CDH18: variants seen among roughly 807,000 people sequenced by gnomAD.
CDH18 encodes the protein cadherin-18.
Under a neutral mutation model 67.9 loss-of-function variants are expected in CDH18, and 31 were observed. That is an observed-to-expected ratio of 0.46 (90% CI 0.34 to 0.62). The LOEUF (loss-of-function observed/expected upper bound fraction) is 0.62. CDH18 is among the 20% of genes least tolerant of loss of function. The pLI is 0.01. For synonymous variants in CDH18, 362 were observed against 347.2 expected, an observed-to-expected ratio of 1.04 and a Z score of -0.48; for missense variants, 890 against 975.5, an observed-to-expected ratio of 0.91 and a Z score of 1.17.
At chr5:20,134,024 G>A (rs753718583) in intron 2 of CDH18, among the ~76,000 whole-genome samples, 3 of 152,034 alleles carry the variant, frequency 2.0e-5, no homozygotes, top group Non-Finnish European at 4.4e-5. Flanking sequence ...GAGTGCAATG[G>A]CACACTCTCA....
At chr5:20,566,560 G>T (rs2471120) in intron 1 of CDH18, among the ~76,000 whole-genome samples, 1 of 131,492 alleles carries the variant, frequency 7.6e-6, no homozygotes, top group Non-Finnish European at 1.6e-5. Flanking sequence ...TATTTTTAGT[G>T]GAGACAGGGT....
chr5:19,703,389 A>T (rs1763520354), intron 5 of CDH18, among the ~76,000 whole-genome samples: 1 of 152,146 alleles, frequency 6.6e-6, no homozygotes, highest in Admixed American at 6.5e-5. Context: ...GAACCTTTTC[A>T]CAATGATGAT....
At chr5:19,884,934 G>T (rs1788041086) in intron 2 of CDH18, among the ~76,000 whole-genome samples, 1 of 152,002 alleles carries the variant, frequency 6.6e-6, no homozygotes, top group South Asian at 2.1e-4. Context: ...ATAATTAATG[G>T]ATTATAATTA....
intron 2 of CDH18, among the ~76,000 whole-genome samples, chr5:19,900,499 A>G (rs1232267198): frequency 6.6e-6 from 1 of 152,194 alleles, no homozygotes; most frequent in African/African-American, 2.4e-5. Flanking sequence ...GTATACATGT[A>G]TCAAACGATA....
chr5:19,720,580 G>A (rs988411098), intron 5 of CDH18, among the ~76,000 whole-genome samples: 1 of 152,086 alleles, frequency 6.6e-6, no homozygotes, highest in Non-Finnish European at 1.5e-5. Flanking sequence ...GGATTCCGCT[G>A]CTGTAGCAAA....
intron 2 of CDH18, among the ~76,000 whole-genome samples, chr5:19,957,326 T>C (rs73762464): frequency 0.048 from 7,268 of 151,006 alleles, 460 homozygotes; most frequent in African/African-American, 0.14. Context: ...ATGTTTTATA[T>C]ATGTAATTAT....
At chr5:20,238,485 A>G (rs1742643595) in intron 2 of CDH18, among the ~76,000 whole-genome samples, 1 of 152,170 alleles carries the variant, frequency 6.6e-6, no homozygotes, top group East Asian at 1.9e-4. Flanking sequence ...TTAAGAAAAT[A>G]CAAAATAAAA....
chr5:19,906,809 TAATA>T, intron 2 of CDH18, among the ~76,000 whole-genome samples: 1 of 152,072 alleles, frequency 6.6e-6, no homozygotes, highest in East Asian at 1.9e-4. Context: ...GCCATGATAA[TAATA>T]AATAAATAAA....
chr5:20,164,162 C>T (rs1031685186), intron 2 of CDH18, among the ~76,000 whole-genome samples: 1 of 152,312 alleles, frequency 6.6e-6, no homozygotes, highest in African/African-American at 2.4e-5. Context: ...GTTTATCATA[C>T]AGAAACATTC....
At chr5:19,928,293 T>C (rs1344176537) in intron 2 of CDH18, among the ~76,000 whole-genome samples, 1 of 152,152 alleles carries the variant, frequency 6.6e-6, no homozygotes, top group Non-Finnish European at 1.5e-5. Context: ...GTATTTTCGG[T>C]ACTAAAAACT....
At chr5:19,579,905 C>CCA (rs1742962018) in intron 7 of CDH18, among the ~76,000 whole-genome samples, 1 of 151,550 alleles carries the variant, frequency 6.6e-6, no homozygotes, top group Non-Finnish European at 1.5e-5. Context: ...TCCACCCCCC[C>CCA]CAAAGAAATA....
chr5:19,500,976 A>C (rs1743136529), intron 11 of CDH18, among the ~76,000 whole-genome samples: 1 of 151,598 alleles, frequency 6.6e-6, no homozygotes, highest in Non-Finnish European at 1.5e-5. Context: ...ACTAAAAAAT[A>C]CAAAAAAATT....
At chr5:19,672,162 C>T (rs2038440281) in intron 5 of CDH18, among the ~76,000 whole-genome samples, 1 of 152,108 alleles carries the variant, frequency 6.6e-6, no homozygotes, top group African/African-American at 2.4e-5. Flanking sequence ...TGATACAGAA[C>T]AAACAATATT....
intron 1 of CDH18, among the ~76,000 whole-genome samples, chr5:20,564,376 C>A (rs567607359): frequency 6.6e-6 from 1 of 151,924 alleles, no homozygotes; most frequent in Non-Finnish European, 1.5e-5. Flanking sequence ...CTCCCAGGTT[C>A]AAGCAATTCT....
intron 12 of CDH18, among the ~76,000 whole-genome samples, chr5:19,480,756 T>C (rs1049417042): frequency 6.6e-6 from 1 of 151,932 alleles, no homozygotes; most frequent in Non-Finnish European, 1.5e-5. Flanking sequence ...TTTTTATTTA[T>C]TTATTTATTT....
chr5:19,898,225 C>A (rs184366301), intron 2 of CDH18, among the ~76,000 whole-genome samples: 1 of 151,896 alleles, frequency 6.6e-6, no homozygotes, highest in Non-Finnish European at 1.5e-5. Context: ...TATGCCATAT[C>A]TTTTCATTAT....
At chr5:19,570,975 C>T (rs892994218) in intron 8 of CDH18, among the ~76,000 whole-genome samples, 11 of 152,188 alleles carry the variant, frequency 7.2e-5, no homozygotes, top group Admixed American at 2.0e-4. Context: ...AGAGTTCCCA[C>T]GCTGATTTTC....
At chr5:20,039,146 A>C (rs1280287557) in intron 2 of CDH18, among the ~76,000 whole-genome samples, 5 of 152,180 alleles carry the variant, frequency 3.3e-5, no homozygotes, top group Non-Finnish European at 5.9e-5. Flanking sequence ...AGGGATGTGA[A>C]AGACCTCTTC....
At chr5:20,456,233 C>T (rs1227597413) in intron 1 of CDH18, among the ~76,000 whole-genome samples, 2 of 151,930 alleles carry the variant, frequency 1.3e-5, no homozygotes, top group Non-Finnish European at 2.9e-5. Context: ...ATAGACATTC[C>T]ATATAGTTTT....
Sources: gnomAD v4.1 joint callset for allele counts (sites outside exome capture counted in the v4.1 genomes callset) on GRCh38, gnomAD v4.1.1 for gene constraint, MANE v1.5 for transcripts, NCBI Gene and HGNC (gene_info 2026-07-23, HGNC 2026-07-21) for gene names.